The following GARIN5B variants were observed in gnomAD, a reference collection of about 807,000 sequenced individuals.
The protein encoded by GARIN5B is Golgi-associated RAB2 interactor protein 5B.
chr19:55,354,916 A>G, the GARIN5B span: 3 of 223,820 alleles, frequency 1.3e-5, no homozygotes, highest in Middle Eastern at 5.5e-4. Context: ...GCTGAGTCTC[A>G]GGCTCAAGCT....
At chr19:55,360,068 C>T in the GARIN5B span, 1 of 1,315,550 alleles carries the variant, frequency 7.6e-7, no homozygotes, top group Non-Finnish European at 1.0e-6. Context: ...CCTCCTCCCT[C>T]AGACTCAGGA....
At chr19:55,361,211 T>G in the GARIN5B span, 3 of 1,551,160 alleles carry the variant, frequency 1.9e-6, no homozygotes, top group Non-Finnish European at 2.6e-6. Flanking sequence ...CACCGTCTTA[T>G]GCGGAAAGTT....
At chr19:55,359,556 G>A in the GARIN5B span, 52 of 1,551,402 alleles carry the variant, frequency 3.4e-5, no homozygotes, top group Non-Finnish European at 4.4e-5. Flanking sequence ...TTCTGGGGAG[G>A]AGCCAATCCA....
At chr19:55,359,848 C>T in the GARIN5B span, 1 of 1,551,518 alleles carries the variant, frequency 6.4e-7, no homozygotes, top group Non-Finnish European at 8.7e-7. Flanking sequence ...TGTCCTGATG[C>T]CACAGGCACG....
chr19:55,356,432 G>A, the GARIN5B span, among the ~76,000 whole-genome samples: 1 of 151,824 alleles, frequency 6.6e-6, no homozygotes, highest in Non-Finnish European at 1.5e-5. Context: ...GAGTGCAGTG[G>A]CACGATCTCA....
chr19:55,363,118 A>C, the GARIN5B span: 3 of 1,424,402 alleles, frequency 2.1e-6, no homozygotes, highest in Non-Finnish European at 2.8e-6. This position sits in a 1 kb window ranked among gnomAD's most constrained non-coding sequence, Gnocchi z 4.0. Flanking sequence ...CCAGGCGTGC[A>C]GGCCTCCCAG....
chr19:55,359,341 G>A, the GARIN5B span: 1 of 1,550,324 alleles, frequency 6.5e-7, no homozygotes, highest in Non-Finnish European at 8.7e-7. Flanking sequence ...GTACAGATGG[G>A]GCCTTCTGAG....
At chr19:55,357,962 G>A in the GARIN5B span, among the ~76,000 whole-genome samples, 1 of 151,740 alleles carries the variant, frequency 6.6e-6, no homozygotes, top group Non-Finnish European at 1.5e-5. Flanking sequence ...GCTGAGGCAG[G>A]AGAATTGCTT....
the GARIN5B span, chr19:55,362,303 C>T: frequency 7.7e-6 from 12 of 1,549,414 alleles, no homozygotes; most frequent in South Asian, 2.4e-5. Flanking sequence ...GGGGGCCGTG[C>T]GCGTGGTCCT....
At chr19:55,359,687 G>C in the GARIN5B span, 1 of 1,551,490 alleles carries the variant, frequency 6.4e-7, no homozygotes, top group Non-Finnish European at 8.7e-7. Context: ...TGGTGGCCCC[G>C]GCCCCTGGTG....
the GARIN5B span, chr19:55,359,691 C>T: frequency 1.0e-5 from 16 of 1,551,428 alleles, no homozygotes; most frequent in Middle Eastern, 3.3e-4. Flanking sequence ...GGCCCCGGCC[C>T]CTGGTGGGAG....
the GARIN5B span, chr19:55,359,354 G>A: frequency 1.9e-6 from 3 of 1,550,202 alleles, no homozygotes; most frequent in Non-Finnish European, 2.6e-6. Context: ...CTTCTGAGAT[G>A]GGGGTGGGGT....
the GARIN5B span, chr19:55,362,741 G>A: frequency 2.0e-6 from 3 of 1,525,332 alleles, no homozygotes; most frequent in South Asian, 2.4e-5. Context: ...ACCTGGGGCA[G>A]CCAGGGAGAG....
chr19:55,357,967 T>A, the GARIN5B span, among the ~76,000 whole-genome samples: 1 of 151,594 alleles, frequency 6.6e-6, no homozygotes, highest in Non-Finnish European at 1.5e-5. Flanking sequence ...GGCAGGAGAA[T>A]TGCTTGAACC....
chr19:55,361,083 C>A, the GARIN5B span: 1 of 1,551,156 alleles, frequency 6.4e-7, no homozygotes, highest in South Asian at 1.2e-5. Context: ...CGGCCTGAGA[C>A]TTGAAACTGC....
the GARIN5B span, chr19:55,359,140 C>T: frequency 6.4e-7 from 1 of 1,551,178 alleles, no homozygotes; most frequent in Non-Finnish European, 8.7e-7. Flanking sequence ...TTCTCTCCAG[C>T]ACGGCTCTTC....
chr19:55,362,685 C>T, the GARIN5B span: 1 of 1,544,128 alleles, frequency 6.5e-7, no homozygotes, highest in Non-Finnish European at 8.7e-7. Context: ...CCATGGCCAG[C>T]CGGTTGGTTC....
the GARIN5B span, chr19:55,362,665 GC>G: frequency 6.5e-7 from 1 of 1,546,370 alleles, no homozygotes; most frequent in South Asian, 1.2e-5. Flanking sequence ...TGGCAGGGAG[GC>G]GGCCACGCCC....
the GARIN5B span, chr19:55,362,558 G>A: frequency 3.3e-6 from 5 of 1,532,470 alleles, no homozygotes; most frequent in Admixed American, 9.9e-5. Context: ...GGGCGGCCGA[G>A]GGGTTGGGGG....
Sources: gnomAD v4.1 joint callset for allele counts (sites outside exome capture counted in the v4.1 genomes callset) on GRCh38, gnomAD v4.1.1 for gene constraint, Gnocchi (gnomAD v3.1) non-coding constraint, MANE v1.5 for transcripts, NCBI Gene and HGNC (gene_info 2026-07-23, HGNC 2026-07-21) for gene names.